SRGAP1: variants seen among roughly 807,000 people sequenced by gnomAD.
SRGAP1 encodes SLIT-ROBO Rho GTPase activating protein 1, also known as SLIT-ROBO Rho GTPase-activating protein 1.
A neutral mutation model predicts 121.9 loss-of-function variants in SRGAP1; 43 were observed. The ratio of observed to expected loss-of-function variants is 0.35; its 90% CI spans 0.28 to 0.46. The LOEUF is 0.46. SRGAP1 is among the 20% of genes least tolerant of loss of function. The probability of loss-of-function intolerance (pLI) is 1.00; values close to 1 mark genes in which losing one functional copy is unlikely to be tolerated. For synonymous variants in SRGAP1, 447 were observed against 485.4 expected, an observed-to-expected ratio of 0.92 and a Z score of 1.04; for missense variants, 1,102 against 1,350.9, an observed-to-expected ratio of 0.82 and a Z score of 2.89.
chr12:63,969,977 C>G (rs1167427399), intron 1 of SRGAP1, among the ~76,000 whole-genome samples: 2 of 151,998 alleles, frequency 1.3e-5, no homozygotes, highest in Admixed American at 1.3e-4. Flanking sequence ...CTCACATGTC[C>G]CTCCTGACTT....
At chr12:63,921,513 G>A (rs1383975510) in intron 1 of SRGAP1, among the ~76,000 whole-genome samples, 1 of 152,136 alleles carries the variant, frequency 6.6e-6, no homozygotes, top group Non-Finnish European at 1.5e-5. Context: ...GTTTGCACAG[G>A]CTGAACCTGG....
Position 64,079,022 on chromosome 12 carries a change from C to A in SRGAP1, c.1229C>A (p.Ser410Ter). The A allele has an allele frequency of 6.2e-7, 1 of 1,614,138 alleles. No homozygotes were observed. The highest frequency in any genetic ancestry group is 8.5e-7 in the Non-Finnish European group (1 of 1,180,004). ...ECFQHSRSTE[S>*]VKSTVSETYL... ...TTCCAGCACAGTCGTTCCACAGAATCAGTGAAGTCCACTGTCTCTGAAACC... is the reference window on the plus strand; with the variant it reads ...TTCCAGCACAGTCGTTCCACAGAATAAGTGAAGTCCACTGTCTCTGAAACC... Residue 410 changes from serine (S) to a stop codon, truncating the protein, a stop_gained, in exon 9 of 22, where the codon TCA (serine) becomes TAA (stop). Transcript: ENST00000355086. LOFTEE classifies it high-confidence loss of function.
At chr12:64,094,321 T>C (rs1034593320) in intron 12 of SRGAP1, among the ~76,000 whole-genome samples, 2 of 152,134 alleles carry the variant, frequency 1.3e-5, no homozygotes, top group African/African-American at 4.8e-5. Context: ...CCCAAAAATG[T>C]TCCTTTCTAA....
chr12:63,896,299 G>C (rs1900752950), intron 1 of SRGAP1, among the ~76,000 whole-genome samples: 1 of 152,166 alleles, frequency 6.6e-6, no homozygotes, highest in African/African-American at 2.4e-5. Flanking sequence ...TTACCTGTTA[G>C]GAGTATAAAG....
chr12:64,130,661 G>C (rs2036771056), intron 21 of SRGAP1, among the ~76,000 whole-genome samples: 1 of 152,146 alleles, frequency 6.6e-6, no homozygotes, highest in African/African-American at 2.4e-5. Context: ...GGATGATAGG[G>C]AGCATGGTAA....
chr12:63,911,311 A>G (rs1233281281), intron 1 of SRGAP1, among the ~76,000 whole-genome samples: 2 of 151,716 alleles, frequency 1.3e-5, no homozygotes, highest in East Asian at 1.9e-4. Context: ...AAAAAAAAAA[A>G]AAAAAAGAAA....
intron 21 of SRGAP1, among the ~76,000 whole-genome samples, chr12:64,135,604 G>A (rs1031416996): frequency 1.3e-5 from 2 of 152,154 alleles, no homozygotes; most frequent in African/African-American, 4.8e-5. Flanking sequence ...AATCAGGAGT[G>A]TCAAATGCAC....
intron 21 of SRGAP1, among the ~76,000 whole-genome samples, chr12:64,137,961 A>ATATATATATAT (rs1555177364): frequency 1.4e-4 from 20 of 139,680 alleles, no homozygotes; most frequent in African/African-American, 4.9e-4. Flanking sequence ...TTAAAAAAAA[A>ATATATATATAT]ATATATATAT....
chr12:63,966,063 G>A (rs1057233752), intron 1 of SRGAP1, among the ~76,000 whole-genome samples: 8 of 152,070 alleles, frequency 5.3e-5, no homozygotes, highest in South Asian at 2.1e-4. Context: ...CAAGTGATCC[G>A]CCTGCCTTGG....
At chr12:64,140,129 G>A (rs2036933425) in intron 21 of SRGAP1, among the ~76,000 whole-genome samples, 1 of 145,184 alleles carries the variant, frequency 6.9e-6, no homozygotes, top group Admixed American at 6.8e-5. Flanking sequence ...GTACCATGCT[G>A]TTTTGGTTAC....
chr12:63,870,445 G>A (rs1339202771), intron 1 of SRGAP1, among the ~76,000 whole-genome samples: 1 of 151,902 alleles, frequency 6.6e-6, no homozygotes, highest in Non-Finnish European at 1.5e-5. Flanking sequence ...CTGTTCCTAG[G>A]GATAATAAGA....
At chr12:64,055,787 A>C (rs1396984604) in intron 6 of SRGAP1, among the ~76,000 whole-genome samples, 3 of 152,044 alleles carry the variant, frequency 2.0e-5, no homozygotes, top group East Asian at 3.9e-4. Flanking sequence ...CTCTTTTCTC[A>C]GTCTCCAGTG....
intron 6 of SRGAP1, among the ~76,000 whole-genome samples, chr12:64,061,373 A>G (rs564881645): frequency 2.0e-5 from 3 of 152,348 alleles, no homozygotes; most frequent in Non-Finnish European, 2.9e-5. Flanking sequence ...TTGATCTTCA[A>G]TAAAAATATG....
At chr12:63,921,633 C>T (rs1222327570) in intron 1 of SRGAP1, among the ~76,000 whole-genome samples, 3 of 152,204 alleles carry the variant, frequency 2.0e-5, no homozygotes, top group Admixed American at 6.5e-5. Flanking sequence ...CATATGCTCC[C>T]ACGCCTGCCA....
rs1444351801 is a variant in SRGAP1, at chr12:64,161,862, CAATGG to C, written c.*19194_*19198del. 1 of 152,154 alleles carries C rather than the reference CAATGG, an allele frequency of 6.6e-6. No individual in the cohort carries two copies. Among genetic ancestry groups the C allele is most frequent in the African/African-American group, 2.4e-5 (1 of 41,434 alleles). 9.4% of individuals were successfully genotyped at this position (152,154 alleles called of 1,614,324 possible). ...AATAAGCAAATGTGGTATATTGATA[CAATGG>C]AATACTATTCTGTAATGAAGATGGG... On this transcript the variant is annotated 3_prime_UTR_variant, in exon 22 of 22. Coordinates refer to ENST00000355086, the MANE Select transcript of SRGAP1 (RefSeq NM_020762.4).
intron 1 of SRGAP1, among the ~76,000 whole-genome samples, chr12:63,931,371 C>T (rs2031469015): frequency 6.6e-6 from 1 of 152,290 alleles, no homozygotes; most frequent in Admixed American, 6.5e-5. Context: ...TACCATTAAT[C>T]AATTGAAATC....
chr12:63,949,969 A>G (rs993306638), intron 1 of SRGAP1, among the ~76,000 whole-genome samples: 3 of 152,208 alleles, frequency 2.0e-5, no homozygotes, highest in Admixed American at 2.0e-4. Flanking sequence ...TAGAAGAGTT[A>G]AACTTGAAAA....
intron 8 of SRGAP1, among the ~76,000 whole-genome samples, chr12:64,074,683 CAT>C (rs998239472): frequency 5.3e-5 from 8 of 152,208 alleles, no homozygotes; most frequent in Admixed American, 2.0e-4. Context: ...TGTTTTCTTA[CAT>C]GTTTGTCAAT....
At position 64,147,518 on chromosome 12, in the gene SRGAP1, G is replaced by A; in HGVS notation, c.*4846G>A. ...CTCAGACTGTCTCGTTTTCCTTGTA[G>A]ACGTGATTGTGCCTTTCTCACCCCT... On this transcript the variant is annotated 3_prime_UTR_variant, in exon 22 of 22. Coordinates refer to ENST00000355086, the MANE Select transcript of SRGAP1 (RefSeq NM_020762.4). The A allele has an allele frequency of 2.5e-6, 1 of 398,642 alleles. No individual in the cohort carries two copies. Among genetic ancestry groups the A allele is most frequent in the Non-Finnish European group, 4.4e-6 (1 of 226,174 alleles). The allele number at this position is 398,642 out of a possible 1,614,324, so 24.7% of individuals were successfully genotyped here. A position where few individuals can be genotyped will look rare whatever the true frequency, so the allele number is the denominator to read the frequency against.
Sources: gnomAD v4.1 joint callset for allele counts (sites outside exome capture counted in the v4.1 genomes callset) on GRCh38, gnomAD v4.1.1 for gene constraint, MANE v1.5 for transcripts, NCBI Gene and HGNC (gene_info 2026-07-23, HGNC 2026-07-21) for gene names.